CNTNAP2: variants seen among roughly 807,000 people sequenced by gnomAD.
CNTNAP2 encodes the protein contactin-associated protein-like 2.
CNTNAP2 carries 98 observed loss-of-function variants against 155.2 expected under a neutral mutation model. The ratio of observed to expected loss-of-function variants is 0.63; its 90% CI spans 0.54 to 0.75. The LOEUF (loss-of-function observed/expected upper bound fraction) is 0.75. CNTNAP2 is among the 30% of genes least tolerant of loss of function. The pLI is 0.00. For synonymous variants in CNTNAP2, 651 were observed against 631.2 expected (o/e 1.03, Z -0.47); for missense variants, 1,727 against 1,688.1 (o/e 1.02, Z -0.40).
chr7:146,466,243 G>A (rs937628939), intron 1 of CNTNAP2, among the ~76,000 whole-genome samples: 1 of 152,118 alleles, frequency 6.6e-6, no homozygotes, highest in African/African-American at 2.4e-5. Context: ...GGATGCACCG[G>A]GTCAGAGGAT....
At chr7:146,149,601 G>T (rs1255079147) in intron 1 of CNTNAP2, among the ~76,000 whole-genome samples, 1 of 152,032 alleles carries the variant, frequency 6.6e-6, no homozygotes, top group Non-Finnish European at 1.5e-5. Context: ...GATCCACGCA[G>T]ATATGGCCAA....
At chr7:148,021,550 T>C (rs1802278883) in intron 15 of CNTNAP2, among the ~76,000 whole-genome samples, 1 of 152,138 alleles carries the variant, frequency 6.6e-6, no homozygotes, top group Non-Finnish European at 1.5e-5. Context: ...ACCTGACTTG[T>C]GGGAGAACGG....
chr7:146,224,834 T>C (rs1023059400), intron 1 of CNTNAP2, among the ~76,000 whole-genome samples: 1 of 152,198 alleles, frequency 6.6e-6, no homozygotes, highest in Non-Finnish European at 1.5e-5. Context: ...TCTTTTGTTT[T>C]GATCTCAGAA....
At chr7:147,100,640 A>T (rs915024702) in intron 4 of CNTNAP2, among the ~76,000 whole-genome samples, 6 of 152,238 alleles carry the variant, frequency 3.9e-5, no homozygotes, top group African/African-American at 1.2e-4. Context: ...AGACACTCAT[A>T]GTTGTAAGAG....
At chr7:147,987,039 A>G (rs1801630876) in intron 15 of CNTNAP2, among the ~76,000 whole-genome samples, 1 of 152,094 alleles carries the variant, frequency 6.6e-6, no homozygotes, top group Non-Finnish European at 1.5e-5. Context: ...TGCTATTGCC[A>G]TGGGCTACTA....
At chr7:146,864,862 TGTGGTCCCAGCTCAA>T (rs1191867917) in intron 3 of CNTNAP2, among the ~76,000 whole-genome samples, 3 of 151,540 alleles carry the variant, frequency 2.0e-5, no homozygotes, top group African/African-American at 4.9e-5. Flanking sequence ...GGCAGGCTCC[TGTGGTCCCAGCTCAA>T]GTGGTCCCAG....
chr7:148,202,782 T>G (rs898483347), intron 18 of CNTNAP2, among the ~76,000 whole-genome samples: 1 of 152,232 alleles, frequency 6.6e-6, no homozygotes, highest in African/African-American at 2.4e-5. Flanking sequence ...ACACATCGTG[T>G]GTGCATGAAG....
chr7:147,652,231 T>C (rs889865144), intron 13 of CNTNAP2, among the ~76,000 whole-genome samples: 2 of 152,200 alleles, frequency 1.3e-5, no homozygotes, highest in Admixed American at 1.3e-4. Context: ...GCTGGGTAAA[T>C]AGTTTTTATA....
chr7:146,205,956 A>G (rs1000242773), intron 1 of CNTNAP2, among the ~76,000 whole-genome samples: 1 of 151,930 alleles, frequency 6.6e-6, no homozygotes, highest in Non-Finnish European at 1.5e-5. Context: ...AGGAAAAAGC[A>G]GGCTCCTATG....
chr7:147,774,619 G>A (rs535717454), intron 13 of CNTNAP2, among the ~76,000 whole-genome samples: 27 of 152,246 alleles, frequency 1.8e-4, no homozygotes, highest in African/African-American at 6.5e-4. Context: ...AAGCAGAAAT[G>A]CCGGAGAGCT....
At chr7:148,040,000 T>C (rs1228695213) in intron 15 of CNTNAP2, among the ~76,000 whole-genome samples, 1 of 152,214 alleles carries the variant, frequency 6.6e-6, no homozygotes, top group Admixed American at 6.5e-5. Flanking sequence ...TAAACAAAAC[T>C]ATCCCTTCTC....
intron 3 of CNTNAP2, among the ~76,000 whole-genome samples, chr7:147,014,449 C>T (rs1293157224): frequency 6.6e-6 from 1 of 151,970 alleles, no homozygotes; most frequent in African/African-American, 2.4e-5. Context: ...TTTAGTACAT[C>T]ATCCAACAAT....
intron 21 of CNTNAP2, among the ~76,000 whole-genome samples, chr7:148,275,249 A>G (rs1040682916): frequency 5.3e-5 from 8 of 152,202 alleles, no homozygotes; most frequent in Admixed American, 2.0e-4. Flanking sequence ...TGGAAAGTCA[A>G]TTAGAAGTAA....
intron 21 of CNTNAP2, among the ~76,000 whole-genome samples, chr7:148,367,614 C>A (rs904113582): frequency 6.6e-6 from 1 of 151,934 alleles, no homozygotes; most frequent in African/African-American, 2.4e-5. Flanking sequence ...CTGAAATGGG[C>A]TCATGCCAAA....
chr7:147,975,548 A>G (rs1318678221), intron 14 of CNTNAP2, among the ~76,000 whole-genome samples: 1 of 152,220 alleles, frequency 6.6e-6, no homozygotes, highest in Non-Finnish European at 1.5e-5. Flanking sequence ...AAACAATGAG[A>G]GTAGCCACAA....
chr7:147,720,937 G>T (rs1404735), intron 13 of CNTNAP2, among the ~76,000 whole-genome samples: 102,205 of 151,904 alleles, frequency 0.67, 34,812 homozygotes, highest in East Asian at 0.84. Context: ...TGAGTTATAG[G>T]GTGGCTTGGT....
chr7:146,450,293 A>G (rs1401460299), intron 1 of CNTNAP2, among the ~76,000 whole-genome samples: 1 of 152,200 alleles, frequency 6.6e-6, no homozygotes, highest in Non-Finnish European at 1.5e-5. Flanking sequence ...CTATTGCTGC[A>G]TAGCATACCA....
chr7:146,999,339 C>T (rs1473480295), intron 3 of CNTNAP2, among the ~76,000 whole-genome samples: 3 of 150,342 alleles, frequency 2.0e-5, no homozygotes, highest in African/African-American at 2.4e-5. Flanking sequence ...CAATTTACAT[C>T]ATTTTATATT....
chr7:147,132,287 G>T lies in CNTNAP2; in HGVS notation c.1126G>T (p.Val376Phe). 6.2e-7 allele frequency: 1 copy of T among 1,613,762 alleles called. No homozygotes were observed. Among genetic ancestry groups the T allele is most frequent in the Non-Finnish European group, 8.5e-7 (1 of 1,179,798 alleles). ...FSCVEPYTVP[V>F]FFNATSYLEV... is the part of the protein sequence containing the mutation. ...TTGTGTGGAACCCTATACGGTGCCTGTCTTTTTCAACGCTACAAGTTACCT... is the reference window on the plus strand; with the variant it reads ...TTGTGTGGAACCCTATACGGTGCCTTTCTTTTTCAACGCTACAAGTTACCT... Residue 376 changes from valine (V) to phenylalanine (F), a missense_variant, in exon 8 of 24, where the codon GTC becomes TTC. Physicochemically the swap from Val to Phe is conservative, Grantham distance 50. Coordinates refer to ENST00000361727, the MANE Select transcript of CNTNAP2 (RefSeq NM_014141.6).
Sources: gnomAD v4.1 joint callset for allele counts (sites outside exome capture counted in the v4.1 genomes callset) on GRCh38, gnomAD v4.1.1 for gene constraint, MANE v1.5 for transcripts, NCBI Gene and HGNC (gene_info 2026-07-23, HGNC 2026-07-21) for gene names.